Variants in COL10A1 observed in about 807,000 individuals in gnomAD.
COL10A1 encodes the protein collagen type X alpha 1 chain.
Under a neutral mutation model 18.2 loss-of-function variants are expected in COL10A1, and 10 were observed. That is an observed-to-expected ratio of 0.55 (90% confidence interval 0.34 to 0.93). COL10A1 has a LOEUF of 0.93. Among genes scored for constraint, COL10A1 ranks in the 40% least tolerant of loss-of-function variants. The probability of loss-of-function intolerance (pLI) is 0.02; values close to 1 mark genes in which losing one functional copy is unlikely to be tolerated. For missense variants in COL10A1, 897 were observed against 853.5 expected (o/e 1.05, Z -0.64); for synonymous variants, 330 against 316.6 (o/e 1.04, Z -0.45).
chr6:116,175,367 C>T, the COL10A1 span, among the ~76,000 whole-genome samples: 2 of 152,078 alleles, frequency 1.3e-5, no homozygotes, highest in African/African-American at 4.8e-5. Context: ...TTTTATATTT[C>T]CTTTTTAATA....
chr6:116,202,813 C>G, the COL10A1 span, among the ~76,000 whole-genome samples: 1 of 151,948 alleles, frequency 6.6e-6, no homozygotes, highest in Non-Finnish European at 1.5e-5. Flanking sequence ...TTCAGAAGCT[C>G]TATGGAAAGA....
the COL10A1 span, among the ~76,000 whole-genome samples, chr6:116,205,137 C>T: frequency 6.6e-6 from 1 of 151,908 alleles, no homozygotes; most frequent in African/African-American, 2.4e-5. Context: ...GGTAAAACCC[C>T]TTCCTCATCC....
the COL10A1 span, among the ~76,000 whole-genome samples, chr6:116,195,233 G>A: frequency 6.6e-6 from 1 of 152,072 alleles, no homozygotes; most frequent in African/African-American, 2.4e-5. Flanking sequence ...AAGAGAAACA[G>A]TGTATCTACT....
chr6:116,201,990 AGAACTTCCTGGAGTGAAG>A, the COL10A1 span, among the ~76,000 whole-genome samples: 1 of 152,050 alleles, frequency 6.6e-6, no homozygotes, highest in Non-Finnish European at 1.5e-5. Flanking sequence ...GCTGACCAAT[AGAACTTCCTGGAGTGAAG>A]AAATAGTCTA....
the COL10A1 span, among the ~76,000 whole-genome samples, chr6:116,197,388 T>C: frequency 6.6e-6 from 1 of 152,042 alleles, no homozygotes. Context: ...GATTATCATC[T>C]TGTCTGATTT....
chr6:116,143,738 T>C (rs1779821972), intron 1 of COL10A1, among the ~76,000 whole-genome samples: 1 of 152,194 alleles, frequency 6.6e-6, no homozygotes, highest in Non-Finnish European at 1.5e-5. Flanking sequence ...GATTGTTTTA[T>C]GGATAAGCCT....
At chr6:116,213,887 T>C in the COL10A1 span, among the ~76,000 whole-genome samples, 2 of 152,138 alleles carry the variant, frequency 1.3e-5, no homozygotes, top group East Asian at 3.9e-4. Context: ...CACTATGAGA[T>C]GGATACTTTA....
chr6:116,207,803 G>GGCTATA, the COL10A1 span, among the ~76,000 whole-genome samples: 1 of 151,940 alleles, frequency 6.6e-6, no homozygotes, highest in Non-Finnish European at 1.5e-5. Flanking sequence ...TCCTTGCAGA[G>GGCTATA]GCTATAAAGA....
chr6:116,140,854 G>T (rs1399095788), intron 1 of COL10A1, among the ~76,000 whole-genome samples: 1 of 152,120 alleles, frequency 6.6e-6, no homozygotes, highest in Non-Finnish European at 1.5e-5. Flanking sequence ...TTACAATGGT[G>T]TGAGTTTATC....
At chr6:116,183,478 T>A in the COL10A1 span, among the ~76,000 whole-genome samples, 1 of 151,498 alleles carries the variant, frequency 6.6e-6, no homozygotes. Flanking sequence ...GGTCATTTTT[T>A]AAATATGGAT....
the COL10A1 span, among the ~76,000 whole-genome samples, chr6:116,167,012 G>A: frequency 6.6e-6 from 1 of 151,908 alleles, no homozygotes; most frequent in Non-Finnish European, 1.5e-5. Flanking sequence ...GCCTACTATA[G>A]GACTTATAAA....
the COL10A1 span, among the ~76,000 whole-genome samples, chr6:116,194,066 G>A: frequency 1.4e-4 from 21 of 151,784 alleles, no homozygotes; most frequent in Non-Finnish European, 2.2e-4. Context: ...AACAACAAAA[G>A]AATATTTGGT....
intron 1 of COL10A1, among the ~76,000 whole-genome samples, chr6:116,148,006 G>C (rs1037106255): frequency 6.6e-6 from 1 of 151,872 alleles, no homozygotes; most frequent in South Asian, 2.1e-4. Flanking sequence ...AGGTGGGGGG[G>C]GTTGGAGGCA....
the COL10A1 span, among the ~76,000 whole-genome samples, chr6:116,180,404 A>G: frequency 6.6e-6 from 1 of 152,102 alleles, no homozygotes; most frequent in African/African-American, 2.4e-5. Context: ...GGAATGATAG[A>G]ATTGATATGT....
At position 116,121,511 on chromosome 6, in the gene COL10A1, CT is replaced by C; in HGVS notation, c.604del (p.Arg202GlyfsTer88). 6.2e-7 allele frequency: 1 copy of C among 1,614,128 alleles called. No homozygotes were observed. The highest frequency in any genetic ancestry group is 2.2e-5 in the East Asian group (1 of 44,868). On this transcript the variant is annotated frameshift_variant, in exon 3 of 3. Coordinates refer to ENST00000651968, the MANE Select transcript of COL10A1 (RefSeq NM_000493.4). LOFTEE classifies it low-confidence loss of function (END_TRUNC). ...GGGACCCTGAGGGCCTGGAAGACCCCTCTCACCTGGACGACCAGGAGCACCA... is the reference window on the plus strand; with the variant it reads ...GGGACCCTGAGGGCCTGGAAGACCCCCTCACCTGGACGACCAGGAGCACCA... ...GYGAPGRPGE[R>X]GLPGPQGPTG...
chr6:116,197,890 A>G, the COL10A1 span, among the ~76,000 whole-genome samples: 8 of 137,702 alleles, frequency 5.8e-5, no homozygotes, highest in Admixed American at 4.8e-4. Flanking sequence ...TTATATACAC[A>G]TGTCTACTTC....
At chr6:116,146,514 G>A (rs1779900516) in intron 1 of COL10A1, among the ~76,000 whole-genome samples, 1 of 152,206 alleles carries the variant, frequency 6.6e-6, no homozygotes, top group African/African-American at 2.4e-5. Flanking sequence ...TGGCCACTTG[G>A]AACTTTCGCC....
upstream of COL10A1, among the ~76,000 whole-genome samples, chr6:116,161,701 G>C (rs1399767221): frequency 2.6e-5 from 4 of 152,138 alleles, no homozygotes; most frequent in Non-Finnish European, 5.9e-5. Flanking sequence ...GGATTGCTTT[G>C]GCTATTTAGG....
chr6:116,130,921 G>A (rs35181513), upstream of COL10A1, among the ~76,000 whole-genome samples: 2,380 of 152,070 alleles, frequency 0.016, 33 homozygotes, highest in Non-Finnish European at 0.024. Flanking sequence ...AATTCTTTTG[G>A]TATTTTCACT....
Sources: gnomAD v4.1 joint callset for allele counts (sites outside exome capture counted in the v4.1 genomes callset) on GRCh38, gnomAD v4.1.1 for gene constraint, MANE v1.5 for transcripts, NCBI Gene and HGNC (gene_info 2026-07-23, HGNC 2026-07-21) for gene names.